PRND: variants seen among roughly 807,000 people sequenced by gnomAD.
The protein encoded by PRND is prion like protein doppel, also known as prion-like protein doppel.
For missense variants in PRND, 227 were observed against 223.3 expected, an observed-to-expected ratio of 1.02 and a Z score of -0.11; for synonymous variants, 94 against 93.2, an observed-to-expected ratio of 1.01 and a Z score of -0.05.
Position 4,725,261 on chromosome 20 carries a change from G to A in PRND, c.*179G>A, listed in dbSNP as rs1601038936. ...TATGTGCCTGCGTTCTGATAGATGG[G>A]GGACTGTGGCTTCTCCGTCACTCCA... is the stretch of plus-strand genomic sequence containing the variant. On this transcript the variant is annotated 3_prime_UTR_variant, in exon 2 of 2. Transcript: ENST00000305817. 2 of 744,810 alleles carry A rather than the reference G, an allele frequency of 2.7e-6. No individual in the cohort carries two copies. Among genetic ancestry groups the A allele is most frequent in the Admixed American group, 2.7e-5 (1 of 37,400 alleles). The allele number at this position is 744,810 out of a possible 1,614,324, so 46.1% of individuals were successfully genotyped here.
chr20:4,727,511 A>G lies in PRND; in HGVS notation c.*2429A>G, dbSNP rs1014252837. ...TGGATATCGTCATTTTGCAGTGTGCATAATTTTGCCAACCGTTGCTTTCGT... is the reference window on the plus strand; with the variant it reads ...TGGATATCGTCATTTTGCAGTGTGCGTAATTTTGCCAACCGTTGCTTTCGT... On this transcript the variant is annotated 3_prime_UTR_variant, in exon 2 of 2. Transcript: ENST00000305817. 1 of 167,100 alleles carries G rather than the reference A, an allele frequency of 6.0e-6. No homozygotes were observed. Among genetic ancestry groups the G allele is most frequent in the Non-Finnish European group, 1.5e-5 (1 of 68,120 alleles). The allele number at this position is 167,100 out of a possible 1,614,324, so 10.4% of individuals were successfully genotyped here.
Position 4,724,996 on chromosome 20 carries a change from T to C in PRND, c.445T>C (p.Leu149=), listed in dbSNP as rs777294771. Residue 149 remains leucine (L), a synonymous_variant, in exon 2 of 2, where the codon TTG becomes CTG. Coordinates refer to ENST00000305817, the MANE Select transcript of PRND (RefSeq NM_012409.4). The surrounding 1 kb of genome is among the most constrained non-coding windows in gnomAD (Gnocchi z 4.8). Reference sequence around the variant, plus strand: ...CTCCCTCAAGCATTGCGAGTTTTGGTTGGAGAGGGGCGCAGGACTTCGGGT... The same window carrying C: ...CTCCCTCAAGCATTGCGAGTTTTGGCTGGAGAGGGGCGCAGGACTTCGGGT... ...LCSLKHCEFW[L]ERGAGLRVTM... is the part of the protein sequence containing the mutation. 2 of 1,613,488 alleles carry C rather than the reference T, an allele frequency of 1.2e-6. No homozygotes were observed. The highest frequency in any genetic ancestry group is 8.5e-7 in the Non-Finnish European group (1 of 1,179,870).
At chr20:4,722,701 T>C (rs1401180466) in intron 1 of PRND, among the ~76,000 whole-genome samples, 2 of 152,008 alleles carry the variant, frequency 1.3e-5, no homozygotes, top group African/African-American at 4.8e-5. Flanking sequence ...CGAAACAAGC[T>C]CCCTGTCAGC....
rs987147863 is a variant in PRND, at chr20:4,725,274, C to T, written c.*192C>T. 3.3e-5 allele frequency: 22 copies of T among 670,456 alleles called. No individual in the cohort carries two copies. The highest frequency in any genetic ancestry group is 4.2e-4 in the Middle Eastern group (1 of 2,388). 41.5% of individuals were successfully genotyped at this position (670,456 alleles called of 1,614,324 possible). On this transcript the variant is annotated 3_prime_UTR_variant, in exon 2 of 2. Coordinates refer to ENST00000305817, the MANE Select transcript of PRND (RefSeq NM_012409.4). Reference sequence around the variant, plus strand: ...TCTGATAGATGGGGGACTGTGGCTTCTCCGTCACTCCATTCTCAGCCCCTA... The same window carrying T: ...TCTGATAGATGGGGGACTGTGGCTTTTCCGTCACTCCATTCTCAGCCCCTA...
In PRND at chr20:4,725,192, G is replaced by A. The variant is rs996284421; in HGVS notation, c.*110G>A. ...TGTTCTGAAGGTGCCCAGGAGCGGC[G>A]ATGCACTCGCACTGCAAATGCCGCT... On this transcript the variant is annotated 3_prime_UTR_variant, in exon 2 of 2. Coordinates refer to ENST00000305817, the MANE Select transcript of PRND (RefSeq NM_012409.4). 8.7e-6 allele frequency: 12 copies of A among 1,384,596 alleles called. No homozygotes were observed. Among genetic ancestry groups the A allele is most frequent in the East Asian group, 2.5e-5 (1 of 39,930 alleles). 85.8% of individuals were successfully genotyped at this position (1,384,596 alleles called of 1,614,324 possible). A position where few individuals can be genotyped will look rare whatever the true frequency, so the allele number is the denominator to read the frequency against.
At position 4,728,399 on chromosome 20, in the gene PRND, G is replaced by A. The variant is rs1458089850; in HGVS notation, c.*3317G>A. 1 of 166,928 alleles carries A rather than the reference G, an allele frequency of 6.0e-6. No individual in the cohort carries two copies. Among genetic ancestry groups the A allele is most frequent in the Non-Finnish European group, 1.5e-5 (1 of 68,098 alleles). 10.3% of individuals were successfully genotyped at this position (166,928 alleles called of 1,614,324 possible). A position where few individuals can be genotyped will look rare whatever the true frequency, so the allele number is the denominator to read the frequency against. The stretch of plus-strand genomic sequence containing the variant: ...TTGATTGAATCATTGCCTTGTTGAT[G>A]GGCCTTCAGATTATTTCCAGTTTTT... On this transcript the variant is annotated 3_prime_UTR_variant, in exon 2 of 2. Transcript: ENST00000305817.
chr20:4,725,277 C>T lies in PRND; in HGVS notation c.*195C>T, dbSNP rs910197201. 33 of 668,120 alleles carry T rather than the reference C, an allele frequency of 4.9e-5. No homozygotes were observed. Among genetic ancestry groups the T allele is most frequent in the African/African-American group, 9.3e-5 (5 of 53,714 alleles). 41.4% of individuals were successfully genotyped at this position (668,120 alleles called of 1,614,324 possible). A position where few individuals can be genotyped will look rare whatever the true frequency, so the allele number is the denominator to read the frequency against. On this transcript the variant is annotated 3_prime_UTR_variant, in exon 2 of 2. Transcript: ENST00000305817. ...GATAGATGGGGGACTGTGGCTTCTC[C>T]GTCACTCCATTCTCAGCCCCTAGCA...
Position 4,724,563 on chromosome 20 carries a change from C to T in PRND, c.12C>T (p.His4=). Residue 4 remains histidine (H), a synonymous_variant, in exon 2 of 2, where the codon CAC becomes CAT. Transcript: ENST00000305817. The surrounding 1 kb of genome is among the most constrained non-coding windows in gnomAD (Gnocchi z 4.8). ...CAGGTTCTGACGCGATGAGGAAGCA[C>T]CTGAGCTGGTGGTGGCTGGCCACTG... is the stretch of plus-strand genomic sequence containing the variant. MRK[H]LSWWWLATVC... is the part of the protein sequence containing the mutation. 1 of 1,614,008 alleles carries T rather than the reference C, an allele frequency of 6.2e-7. No individual in the cohort carries two copies. The highest frequency in any genetic ancestry group is 8.5e-7 in the Non-Finnish European group (1 of 1,180,042).
chr20:4,724,776 C>G lies in PRND; in HGVS notation c.225C>G (p.Asn75Lys), dbSNP rs760480446. ...KLDIDFGAEGNRYYEANYWQF... is the reference protein window; with the variant it reads ...KLDIDFGAEGKRYYEANYWQF... ...ACATTGACTTCGGAGCCGAGGGCAACAGGTACTACGAGGCCAACTACTGGC... is the reference window on the plus strand; with the variant it reads ...ACATTGACTTCGGAGCCGAGGGCAAGAGGTACTACGAGGCCAACTACTGGC... The change falls in exon 2 of 2, where the codon AAC becomes AAG. Residue 75 changes from asparagine (N) to lysine (K), a missense_variant. Asn to Lys is a moderately conservative substitution (Grantham distance 94, BLOSUM62 0). Coordinates refer to ENST00000305817, the MANE Select transcript of PRND (RefSeq NM_012409.4). This position sits in a 1 kb window ranked among gnomAD's most constrained non-coding sequence, Gnocchi z 4.8. The G allele has an allele frequency of 6.8e-6, 11 of 1,614,246 alleles. No homozygotes were observed. The highest frequency in any genetic ancestry group is 9.3e-6 in the Non-Finnish European group (11 of 1,180,052).
Position 4,724,633 on chromosome 20 carries a change from G to A in PRND, c.82G>A (p.Gly28Ser), listed in dbSNP as rs1923204446. The A allele has an allele frequency of 1.9e-6, 3 of 1,614,044 alleles. No individual in the cohort carries two copies. Among genetic ancestry groups the A allele is most frequent in the African/African-American group, 1.3e-5 (1 of 74,924 alleles). ...CCACCTCTCTGCGGTCCAGACGAGGGGCATCAAGCACAGAATCAAGTGGAA... is the reference window on the plus strand; with the variant it reads ...CCACCTCTCTGCGGTCCAGACGAGGAGCATCAAGCACAGAATCAAGTGGAA... ...FSHLSAVQTR[G>S]IKHRIKWNRK... Residue 28 changes from glycine to serine, a missense_variant, in exon 2 of 2, where the codon GGC becomes AGC. Physicochemically the swap from Gly to Ser is moderately conservative, Grantham distance 56. Coordinates refer to ENST00000305817, the MANE Select transcript of PRND (RefSeq NM_012409.4). This position sits in a 1 kb window ranked among gnomAD's most constrained non-coding sequence, Gnocchi z 4.8.
chr20:4,724,923 C>A lies in PRND; in HGVS notation c.372C>A (p.Asp124Glu). ...AANQGEFQKP[D>E]NKLHQQVLWR... ...ACCAGGGGGAGTTCCAGAAGCCAGA[C>A]AACAAGCTCCACCAGCAGGTGCTCT... Residue 124 changes from aspartate to glutamate, a missense_variant, in exon 2 of 2, where the codon GAC becomes GAA. Asp to Glu is a conservative substitution (Grantham distance 45, BLOSUM62 2). Coordinates refer to ENST00000305817, the MANE Select transcript of PRND (RefSeq NM_012409.4). This position sits in a 1 kb window ranked among gnomAD's most constrained non-coding sequence, Gnocchi z 4.8. 1.9e-6 allele frequency: 3 copies of A among 1,614,182 alleles called. No individual in the cohort carries two copies. Among genetic ancestry groups the A allele is most frequent in the East Asian group, 4.5e-5 (2 of 44,868 alleles).
rs1306917200 is a variant in PRND, at chr20:4,725,665, G to A, written c.*583G>A. 2.4e-5 allele frequency: 4 copies of A among 169,626 alleles called. No individual in the cohort carries two copies. Among genetic ancestry groups the A allele is most frequent in the South Asian group, 2.0e-4 (1 of 5,046 alleles). The allele number at this position is 169,626 out of a possible 1,614,324, so 10.5% of individuals were successfully genotyped here. On this transcript the variant is annotated 3_prime_UTR_variant, in exon 2 of 2. Coordinates refer to ENST00000305817, the MANE Select transcript of PRND (RefSeq NM_012409.4). ...TGAAAACACCTGAGCTGGTGGCTGT[G>A]TACTTTGACTGGTACATGGAGGCTA...
At position 4,726,330 on chromosome 20, in the gene PRND, A is replaced by G. The variant is rs1290069881; in HGVS notation, c.*1248A>G. 1.2e-5 allele frequency: 2 copies of G among 166,890 alleles called. No individual in the cohort carries two copies. The highest frequency in any genetic ancestry group is 2.9e-5 in the Non-Finnish European group (2 of 68,094). The allele number at this position is 166,890 out of a possible 1,614,324, so 10.3% of individuals were successfully genotyped here. On this transcript the variant is annotated 3_prime_UTR_variant, in exon 2 of 2. Coordinates refer to ENST00000305817, the MANE Select transcript of PRND (RefSeq NM_012409.4). ...TCCCTTTACATCTGTGTTCTATGCA[A>G]AGTCTCTCATTTCTTTCAAGACAGC...
In PRND at chr20:4,724,099, C is replaced by T. The variant is rs1253991685; in HGVS notation, c.-11-442C>T. 8.8e-5 allele frequency among the ~76,000 whole-genome samples: 13 copies of T among 147,240 alleles called. No individual in the cohort carries two copies. Among genetic ancestry groups the T allele is most frequent in the Non-Finnish European group, 1.8e-4 (12 of 67,294 alleles). On this transcript the variant is annotated intron_variant, in intron 1 of 1. Transcript: ENST00000305817. This position sits in a 1 kb window ranked among gnomAD's most constrained non-coding sequence, Gnocchi z 4.8. ...ATACATATATATGTGTATATATATA[C>T]GTGTATACACACACACACACACACA... is the stretch of plus-strand genomic sequence containing the variant.
rs1337597647 is a variant in PRND, at chr20:4,721,976, G to C, written c.-12+7G>C. On this transcript the variant is annotated splice_region_variant and intron_variant, in intron 1 of 1. Transcript: ENST00000305817. ...CACTCCAGAGAGAGCCAAGGTACGT[G>C]GGGGGCCACTTCTGTGGTCAGGACT... The C allele has an allele frequency of 6.6e-6, 1 of 152,278 alleles. No homozygotes were observed. Among genetic ancestry groups the C allele is most frequent in the African/African-American group, 2.4e-5 (1 of 41,458 alleles). 9.4% of individuals were successfully genotyped at this position (152,278 alleles called of 1,614,324 possible). A position where few individuals can be genotyped will look rare whatever the true frequency, so the allele number is the denominator to read the frequency against.
Position 4,726,748 on chromosome 20 carries a change from C to T in PRND, c.*1666C>T, listed in dbSNP as rs1429056501. ...ACAATTTATCCAAAGCATTGCAGAA[C>T]ATGAGTGCTGATGAGGGCACCTCTT... On this transcript the variant is annotated 3_prime_UTR_variant, in exon 2 of 2. Coordinates refer to ENST00000305817, the MANE Select transcript of PRND (RefSeq NM_012409.4). The T allele has an allele frequency of 1.8e-5, 3 of 167,108 alleles. No individual in the cohort carries two copies. Among genetic ancestry groups the T allele is most frequent in the African/African-American group, 4.8e-5 (2 of 41,452 alleles). The allele number at this position is 167,108 out of a possible 1,614,324, so 10.4% of individuals were successfully genotyped here.
rs1923275129 is a variant in PRND at position 4,726,549 on chromosome 20, C to G, written c.*1467C>G. The G allele has an allele frequency of 3.6e-5, 6 of 167,046 alleles. No individual in the cohort carries two copies. In the Admixed American group the frequency reaches 3.9e-4, roughly 11 times the overall value. 10.3% of individuals were successfully genotyped at this position (167,046 alleles called of 1,614,324 possible). ...ACACAATATGAGTAATGTTTAAGATCTGTTTTAAATTTAAAACAATGAATT... is the reference window on the plus strand; with the variant it reads ...ACACAATATGAGTAATGTTTAAGATGTGTTTTAAATTTAAAACAATGAATT... On this transcript the variant is annotated 3_prime_UTR_variant, in exon 2 of 2. Coordinates refer to ENST00000305817, the MANE Select transcript of PRND (RefSeq NM_012409.4).
In PRND at chr20:4,724,660, C is replaced by G. The variant is rs748124038; in HGVS notation, c.109C>G (p.Arg37Gly). The change falls in exon 2 of 2, where the codon CGG becomes GGG. Residue 37 changes from arginine to glycine, a missense_variant. Coordinates refer to ENST00000305817, the MANE Select transcript of PRND (RefSeq NM_012409.4). The surrounding 1 kb of genome is among the most constrained non-coding windows in gnomAD (Gnocchi z 4.8). ...CATCAAGCACAGAATCAAGTGGAAC[C>G]GGAAGGCCCTGCCCAGCACTGCCCA... ...RGIKHRIKWN[R>G]KALPSTAQIT... The G allele has an allele frequency of 6.2e-7, 1 of 1,614,166 alleles. No individual in the cohort carries two copies.
At position 4,727,712 on chromosome 20, in the gene PRND, A is replaced by G. The variant is rs1167910029; in HGVS notation, c.*2630A>G. On this transcript the variant is annotated 3_prime_UTR_variant, in exon 2 of 2. Coordinates refer to ENST00000305817, the MANE Select transcript of PRND (RefSeq NM_012409.4). Reference sequence around the variant, plus strand: ...TAAGCATTTGCGTATGTAAACATTCATATTTGCAATAAAAAAGTGAGCTTT... The same window carrying G: ...TAAGCATTTGCGTATGTAAACATTCGTATTTGCAATAAAAAAGTGAGCTTT... 6.0e-6 allele frequency: 1 copy of G among 166,784 alleles called. No homozygotes were observed. Among genetic ancestry groups the G allele is most frequent in the African/African-American group, 2.4e-5 (1 of 41,354 alleles). 10.3% of individuals were successfully genotyped at this position (166,784 alleles called of 1,614,324 possible).
Sources: allele counts gnomAD v4.1 joint callset (sites outside exome capture counted in the v4.1 genomes callset), GRCh38; gene constraint gnomAD v4.1.1; non-coding constraint Gnocchi (gnomAD v3.1); transcripts MANE v1.5; gene names NCBI Gene and HGNC (gene_info 2026-07-23, HGNC 2026-07-21).